TAFA4: variants seen among roughly 807,000 people sequenced by gnomAD.
TAFA4 encodes TAFA chemokine like family member 4.
TAFA4 carries 20 observed loss-of-function variants against 21.1 expected under a neutral mutation model. That is an observed-to-expected ratio of 0.95 (90% CI 0.67 to 1.38). TAFA4 has a LOEUF of 1.38. Ranked by LOEUF, TAFA4 falls within the 40% of genes most tolerant of loss-of-function variation. TAFA4 has a pLI of 0.00. For synonymous variants in TAFA4, 71 were observed against 67.4 expected (o/e 1.05, Z -0.26); for missense variants, 211 against 180.9 (o/e 1.17, Z -0.95).
intron 3 of TAFA4, among the ~76,000 whole-genome samples, chr3:68,775,384 C>A (rs1280786606): frequency 6.6e-6 from 1 of 152,048 alleles, no homozygotes; most frequent in Non-Finnish European, 1.5e-5. Flanking sequence ...GAAATCTGTT[C>A]CCTCCCCAAA....
chr3:68,903,886 A>G (rs1281279683), intron 1 of TAFA4, among the ~76,000 whole-genome samples: 2 of 152,154 alleles, frequency 1.3e-5, no homozygotes, highest in South Asian at 2.1e-4. Context: ...TTGATGCGCA[A>G]TATCACAGCT....
At chr3:68,831,283 C>A (rs771364629) in intron 3 of TAFA4, among the ~76,000 whole-genome samples, 1 of 151,610 alleles carries the variant, frequency 6.6e-6, no homozygotes, top group Admixed American at 6.6e-5. Flanking sequence ...TTCACAGTGT[C>A]GATGGTCTTT....
At chr3:68,863,327 A>C (rs2089374437) in intron 3 of TAFA4, among the ~76,000 whole-genome samples, 1 of 152,164 alleles carries the variant, frequency 6.6e-6, no homozygotes, top group Non-Finnish European at 1.5e-5. Flanking sequence ...ACCGATTTCA[A>C]AAATGCATAA....
intron 1 of TAFA4, among the ~76,000 whole-genome samples, chr3:68,886,599 T>C (rs577328179): frequency 6.6e-6 from 1 of 152,284 alleles, no homozygotes; most frequent in African/African-American, 2.4e-5. Flanking sequence ...GGTATTCTTT[T>C]TTCAATTCAT....
At chr3:68,919,428 A>G (rs1303055064) in intron 1 of TAFA4, among the ~76,000 whole-genome samples, 2 of 152,122 alleles carry the variant, frequency 1.3e-5, no homozygotes, top group African/African-American at 4.8e-5. Flanking sequence ...AATAGACTAC[A>G]CTTCCATTTC....
At chr3:68,918,778 A>C (rs144244285) in intron 1 of TAFA4, among the ~76,000 whole-genome samples, 14 of 152,222 alleles carry the variant, frequency 9.2e-5, no homozygotes, top group African/African-American at 3.4e-4. Context: ...TGGGCTCAAG[A>C]AATCTGCCCA....
chr3:68,803,372 G>A (rs1703617243), intron 3 of TAFA4, among the ~76,000 whole-genome samples: 1 of 152,180 alleles, frequency 6.6e-6, no homozygotes, highest in Admixed American at 6.5e-5. Flanking sequence ...TTGGTGAAAT[G>A]ACAAGAGTCC....
chr3:68,805,402 C>T (rs1703671175), intron 3 of TAFA4, among the ~76,000 whole-genome samples: 3 of 152,174 alleles, frequency 2.0e-5, no homozygotes, highest in South Asian at 4.1e-4. Flanking sequence ...GTGGTGATTC[C>T]TCAAGGATCT....
intron 4 of TAFA4, among the ~76,000 whole-genome samples, chr3:68,745,064 G>A (rs1021386323): frequency 1.1e-4 from 17 of 152,152 alleles, no homozygotes; most frequent in African/African-American, 3.4e-4. Flanking sequence ...AATGACAGAC[G>A]TAGAAGGAAA....
chr3:68,810,064 G>A (rs958765997), intron 3 of TAFA4, among the ~76,000 whole-genome samples: 1 of 152,102 alleles, frequency 6.6e-6, no homozygotes, highest in Non-Finnish European at 1.5e-5. Context: ...AGGGTCTTTT[G>A]TGGTTCCACA....
chr3:68,743,104 A>C (rs1416821744), intron 4 of TAFA4, among the ~76,000 whole-genome samples: 2 of 152,202 alleles, frequency 1.3e-5, no homozygotes, highest in Non-Finnish European at 2.9e-5. Flanking sequence ...CTATCTAGTG[A>C]TATCCATCAA....
At chr3:68,798,588 C>A (rs1004407840) in intron 3 of TAFA4, among the ~76,000 whole-genome samples, 1 of 152,082 alleles carries the variant, frequency 6.6e-6, no homozygotes, top group Admixed American at 6.6e-5. Context: ...GGTATGCACA[C>A]CATCAAGAGC....
intron 3 of TAFA4, among the ~76,000 whole-genome samples, chr3:68,809,423 T>A (rs1046797892): frequency 6.6e-6 from 1 of 152,188 alleles, no homozygotes; most frequent in Non-Finnish European, 1.5e-5. Context: ...ATATAATTGG[T>A]TGCCAATATG....
At chr3:68,782,562 A>T (rs1190955887) in intron 3 of TAFA4, among the ~76,000 whole-genome samples, 1 of 152,230 alleles carries the variant, frequency 6.6e-6, no homozygotes, top group Non-Finnish European at 1.5e-5. Flanking sequence ...TGATTGAAAA[A>T]AAATTGAGTA....
At chr3:68,845,844 C>T (rs1704776880) in intron 3 of TAFA4, among the ~76,000 whole-genome samples, 1 of 152,136 alleles carries the variant, frequency 6.6e-6, no homozygotes, top group African/African-American at 2.4e-5. Context: ...ATATTGGCCC[C>T]CACTCTCTTC....
At chr3:68,893,014 C>T (rs1380501671) in intron 1 of TAFA4, among the ~76,000 whole-genome samples, 5 of 152,184 alleles carry the variant, frequency 3.3e-5, no homozygotes, top group Admixed American at 6.5e-5. Context: ...CAAATGTTAA[C>T]GGTAATGACA....
intron 3 of TAFA4, among the ~76,000 whole-genome samples, chr3:68,855,880 T>C (rs942833213): frequency 1.3e-5 from 2 of 152,082 alleles, no homozygotes; most frequent in Non-Finnish European, 1.5e-5. Context: ...ACCATTCTCC[T>C]GACAGAAAGA....
At chr3:68,832,256 G>A in intron 3 of TAFA4, among the ~76,000 whole-genome samples, 1 of 152,144 alleles carries the variant, frequency 6.6e-6, no homozygotes, top group East Asian at 1.9e-4. Flanking sequence ...GAGGAAAAGA[G>A]GCCTTCTGGT....
At chr3:68,774,940 G>T (rs1450449519) in intron 3 of TAFA4, among the ~76,000 whole-genome samples, 1 of 152,006 alleles carries the variant, frequency 6.6e-6, no homozygotes, top group African/African-American at 2.4e-5. Context: ...TTAAAAAGCT[G>T]CAAAAAAGAA....
Sources: gnomAD v4.1 joint callset for allele counts (sites outside exome capture counted in the v4.1 genomes callset) on GRCh38, gnomAD v4.1.1 for gene constraint, MANE v1.5 for transcripts, NCBI Gene and HGNC (gene_info 2026-07-23, HGNC 2026-07-21) for gene names.